The following SEMA6D variants were observed in gnomAD, a reference collection of about 807,000 sequenced individuals.
SEMA6D encodes semaphorin-6D.
A neutral mutation model predicts 106.6 loss-of-function variants in SEMA6D; 35 were observed. The observed-to-expected ratio is 0.33, with a 90% CI of 0.25 to 0.44. The LOEUF (loss-of-function observed/expected upper bound fraction) is 0.44, where lower values mean the gene tolerates loss of function less well. SEMA6D is among the 20% of genes least tolerant of loss of function. The pLI is 1.00. For synonymous variants in SEMA6D, 499 were observed against 487.7 expected (o/e 1.02, Z -0.31); for missense variants, 1,185 against 1,345.9 (o/e 0.88, Z 1.87).
At chr15:47,420,788 T>A (rs1258580199) in intron 2 of SEMA6D, among the ~76,000 whole-genome samples, 1 of 152,138 alleles carries the variant, frequency 6.6e-6, no homozygotes, top group Non-Finnish European at 1.5e-5. Context: ...AAAATGCAAG[T>A]TGTAATGAAA....
intron 2 of SEMA6D, among the ~76,000 whole-genome samples, chr15:47,420,266 A>G (rs142353877): frequency 6.6e-6 from 1 of 152,152 alleles, no homozygotes; most frequent in Non-Finnish European, 1.5e-5. Flanking sequence ...AGAACATTGT[A>G]TTATTGGGCT....
intron 1 of SEMA6D, among the ~76,000 whole-genome samples, chr15:47,248,632 G>A (rs771631070): frequency 2.0e-5 from 3 of 152,170 alleles, no homozygotes; most frequent in Admixed American, 6.5e-5. Context: ...ATGACATTGG[G>A]AGTCTTCTGC....
At chr15:47,457,954 G>A (rs965334441) in intron 2 of SEMA6D, among the ~76,000 whole-genome samples, 2 of 151,876 alleles carry the variant, frequency 1.3e-5, no homozygotes, top group Non-Finnish European at 2.9e-5. Context: ...AAAAATGGCT[G>A]CAGACATTGA....
At chr15:47,268,789 A>G (rs1290664821) in intron 1 of SEMA6D, among the ~76,000 whole-genome samples, 1 of 152,126 alleles carries the variant, frequency 6.6e-6, no homozygotes, top group African/African-American at 2.4e-5. Context: ...TGTTGGGGCC[A>G]GGAGTAATTT....
chr15:47,520,392 G>A (rs1222014414), intron 3 of SEMA6D, among the ~76,000 whole-genome samples: 1 of 152,110 alleles, frequency 6.6e-6, no homozygotes, highest in Non-Finnish European at 1.5e-5. Context: ...ACAAAGTAGT[G>A]GTCTTTTTTT....
chr15:47,765,681 G>A, intron 13 of SEMA6D, 188 bp from the exon 14 acceptor site: 1 of 599,406 alleles, frequency 1.7e-6, no homozygotes, highest in Non-Finnish European at 2.5e-6. Context: ...CCTTTGTCCA[G>A]CCTGAAATTT....
At chr15:47,760,491 T>C in intron 3 of SEMA6D, 76 bp downstream of exon 3, 1 of 1,116,572 alleles carries the variant, frequency 9.0e-7, no homozygotes, top group Admixed American at 2.1e-5. Context: ...GTCTAGTTCA[T>C]GAAAAACTAA....
chr15:47,585,577 A>G (rs1219735576), intron 3 of SEMA6D, among the ~76,000 whole-genome samples: 1 of 152,168 alleles, frequency 6.6e-6, no homozygotes, highest in African/African-American at 2.4e-5. Flanking sequence ...CTTTTCTACA[A>G]CAAGTTTCTG....
intron 1 of SEMA6D, among the ~76,000 whole-genome samples, chr15:47,332,517 C>G (rs1053343928): frequency 3.3e-5 from 5 of 152,174 alleles, no homozygotes; most frequent in Admixed American, 3.3e-4. Flanking sequence ...CTAGGTGGCA[C>G]AAAACGGGGG....
chr15:47,599,021 T>C (rs983515550), intron 3 of SEMA6D, among the ~76,000 whole-genome samples: 1 of 152,104 alleles, frequency 6.6e-6, no homozygotes. Flanking sequence ...TGAGACCACC[T>C]ACCTAATCAT....
intron 2 of SEMA6D, among the ~76,000 whole-genome samples, chr15:47,442,740 C>T (rs769703855): frequency 6.6e-6 from 1 of 152,086 alleles, no homozygotes; most frequent in South Asian, 2.1e-4. Flanking sequence ...GTGCATTTGC[C>T]ATGGTCTTTC....
intron 15 of SEMA6D, 125 bp from the exon 16 acceptor site, chr15:47,766,491 T>G (rs1045991586): frequency 2.6e-5 from 7 of 271,140 alleles, no homozygotes; most frequent in Middle Eastern, 6.8e-4. Context: ...TAAAATGTTG[T>G]TTTTTTTTTT....
At chr15:47,749,835 C>A (rs1000623906) in intron 1 of SEMA6D, among the ~76,000 whole-genome samples, 12 of 152,128 alleles carry the variant, frequency 7.9e-5, no homozygotes, top group African/African-American at 2.7e-4. Context: ...CTGGGAAGAA[C>A]CACATCCAAC....
At position 47,514,992 on chromosome 15, in the gene SEMA6D, G is replaced by A. The variant is rs2044343141; in HGVS notation, c.-87+44447G>A. ...CTGTTCTGTAAGCCCCACATGATCT[G>A]TGTACCTATTATTATTTGATCTCAT... On this transcript the variant is annotated intron_variant, in intron 3 of 19. Transcript: ENST00000558014. 1.3e-5 allele frequency among the ~76,000 whole-genome samples: 2 copies of A among 152,136 alleles called. 1 individual carries two copies. The highest frequency in any genetic ancestry group is 4.1e-4 in the South Asian group (2 of 4,820).
chr15:47,482,344 T>C (rs760400906), intron 3 of SEMA6D, among the ~76,000 whole-genome samples: 6 of 152,096 alleles, frequency 3.9e-5, no homozygotes, highest in Non-Finnish European at 5.9e-5. Context: ...TGATGAGGCA[T>C]TAATCTGAGG....
At chr15:47,566,877 G>A (rs145151283) in intron 3 of SEMA6D, among the ~76,000 whole-genome samples, 3 of 151,568 alleles carry the variant, frequency 2.0e-5, no homozygotes, top group African/African-American at 4.8e-5. Flanking sequence ...GAAGGAAGAC[G>A]GAAGATGTTT....
chr15:47,621,281 G>A (rs552299917), intron 4 of SEMA6D, among the ~76,000 whole-genome samples: 1 of 152,212 alleles, frequency 6.6e-6, no homozygotes, highest in Admixed American at 6.5e-5. Flanking sequence ...TTGCTAAGTA[G>A]AACAAAAGGA....
At chr15:47,762,128 A>G in intron 7 of SEMA6D, 72 bp from the exon 8 acceptor site, 2 of 1,581,376 alleles carry the variant, frequency 1.3e-6, no homozygotes, top group Non-Finnish European at 1.7e-6. Context: ...CAAAGGGCAT[A>G]ACACGCTGCC....
chr15:47,641,041 C>T (rs2077479093), intron 4 of SEMA6D, among the ~76,000 whole-genome samples: 2 of 152,138 alleles, frequency 1.3e-5, no homozygotes, highest in Admixed American at 1.3e-4. Flanking sequence ...AGTGGTCGTC[C>T]TTTTCAAAGC....
Sources: gnomAD v4.1 joint callset for allele counts (sites outside exome capture counted in the v4.1 genomes callset) on GRCh38, gnomAD v4.1.1 for gene constraint, MANE v1.5 for transcripts, NCBI Gene and HGNC (gene_info 2026-07-23, HGNC 2026-07-21) for gene names.